The following SLIT2 variants were observed in gnomAD, a reference collection of about 807,000 sequenced individuals.
The protein encoded by SLIT2 is slit guidance ligand 2.
In SLIT2, 41 loss-of-function variants were observed where a neutral mutation model predicts 185.7. The ratio of observed to expected loss-of-function variants is 0.22; its 90% CI spans 0.17 to 0.29. The LOEUF (loss-of-function observed/expected upper bound fraction) is 0.29. Ranked by LOEUF, SLIT2 falls within the 10% of genes least tolerant of loss-of-function variation. The pLI is 1.00. For missense variants in SLIT2, 1,571 were observed against 1,909.0 expected, an observed-to-expected ratio of 0.82 and a Z score of 3.30; for synonymous variants, 693 against 680.2, an observed-to-expected ratio of 1.02 and a Z score of -0.29.
chr4:20,510,399 C>A, intron 9 of SLIT2, 96 bp from the exon 10 acceptor site: 2 of 807,874 alleles, frequency 2.5e-6, no homozygotes, highest in Non-Finnish European at 4.3e-6. Context: ...TCATGAAGAA[C>A]ATCAACTTTA....
intron 4 of SLIT2, among the ~76,000 whole-genome samples, chr4:20,447,394 C>G (rs1711932178): frequency 6.6e-6 from 1 of 152,130 alleles, no homozygotes; most frequent in Non-Finnish European, 1.5e-5. Flanking sequence ...CTGCAGTGAT[C>G]AGTTGTGAGG....
At chr4:20,574,015 C>T (rs528529800) in intron 29 of SLIT2, among the ~76,000 whole-genome samples, 6 of 151,336 alleles carry the variant, frequency 4.0e-5, no homozygotes, top group African/African-American at 1.5e-4. Context: ...AGTGCAGTGG[C>T]GCAATCTCGG....
chr4:20,527,210 C>T (rs1304806302), intron 15 of SLIT2, among the ~76,000 whole-genome samples: 3 of 152,054 alleles, frequency 2.0e-5, no homozygotes, highest in Admixed American at 6.6e-5. Context: ...TTCACTTTTA[C>T]GTGTGTACCT....
chr4:20,559,434 C>T (rs887288374), intron 26 of SLIT2, among the ~76,000 whole-genome samples: 1 of 151,742 alleles, frequency 6.6e-6, no homozygotes, highest in Non-Finnish European at 1.5e-5. Context: ...CTTACAGTGC[C>T]CTTTGCCAGC....
chr4:20,342,511 A>G (rs986584937), intron 4 of SLIT2, among the ~76,000 whole-genome samples: 3 of 152,072 alleles, frequency 2.0e-5, no homozygotes, highest in Non-Finnish European at 4.4e-5. Context: ...GACTCACGCT[A>G]TTTCTAAATC....
chr4:20,458,375 C>A (rs1713324756), intron 4 of SLIT2, among the ~76,000 whole-genome samples: 1 of 152,032 alleles, frequency 6.6e-6, no homozygotes, highest in African/African-American at 2.4e-5. Context: ...TGTTTGTAAA[C>A]CAAACAAAAG....
rs939705283 is a variant in SLIT2 at position 20,458,264 on chromosome 4, C to T, written c.396-9488C>T. ...TTCTTATCCAGCTCTCTCCTTTGTC[C>T]AGAGAGTGTATACACTCTTCTTGCC... On this transcript the variant is annotated intron_variant, in intron 4 of 36. Transcript: ENST00000504154. Among the ~76,000 whole-genome samples the T allele has an allele frequency of 3.3e-5, 5 of 152,058 alleles. No individual in the cohort carries two copies. In the South Asian group the frequency reaches 1.0e-3, roughly 31 times the overall value.
chr4:20,594,215 A>G (rs1032301128), intron 30 of SLIT2, among the ~76,000 whole-genome samples: 1 of 150,156 alleles, frequency 6.7e-6, no homozygotes, highest in African/African-American at 2.4e-5. Context: ...ATGTGTGTAT[A>G]TATGTATATG....
intron 4 of SLIT2, among the ~76,000 whole-genome samples, chr4:20,363,250 C>A (rs564372885): frequency 5.9e-5 from 9 of 152,006 alleles, no homozygotes; most frequent in African/African-American, 2.2e-4. Context: ...GTGTGTGATA[C>A]ATAACATGTA....
intron 4 of SLIT2, among the ~76,000 whole-genome samples, chr4:20,443,488 C>T (rs1006210176): frequency 1.8e-4 from 26 of 147,104 alleles, no homozygotes; most frequent in Admixed American, 1.7e-3. Context: ...TAGCTCAGGG[C>T]ACTTGGGTTT....
At chr4:20,584,547 CT>C (rs1332530999) in intron 29 of SLIT2, among the ~76,000 whole-genome samples, 1 of 152,226 alleles carries the variant, frequency 6.6e-6, no homozygotes, top group African/African-American at 2.4e-5. Flanking sequence ...CACATTACCA[CT>C]CCATGAAATT....
At chr4:20,309,303 A>C (rs1482325907) in intron 4 of SLIT2, among the ~76,000 whole-genome samples, 6 of 152,126 alleles carry the variant, frequency 3.9e-5, no homozygotes, top group Non-Finnish European at 8.8e-5. Flanking sequence ...CATTCTTTGC[A>C]CTAAAATCCT....
chr4:20,449,250 A>G (rs192313099), intron 4 of SLIT2, among the ~76,000 whole-genome samples: 12 of 152,200 alleles, frequency 7.9e-5, no homozygotes, highest in Non-Finnish European at 8.8e-5. Context: ...TCATTTTTCT[A>G]TTTATGCTTA....
At chr4:20,568,287 A>T (rs894732324) in intron 28 of SLIT2, among the ~76,000 whole-genome samples, 2 of 152,102 alleles carry the variant, frequency 1.3e-5, no homozygotes, top group African/African-American at 4.8e-5. Flanking sequence ...ATTCATCTAG[A>T]CTTTACTCAA....
intron 33 of SLIT2, among the ~76,000 whole-genome samples, chr4:20,603,161 G>C (rs1728534343): frequency 6.6e-6 from 1 of 152,188 alleles, no homozygotes; most frequent in African/African-American, 2.4e-5. Context: ...GAAGGCGAAA[G>C]GAATGTCTTA....
At chr4:20,613,461 C>T (rs1437768979) in intron 34 of SLIT2, among the ~76,000 whole-genome samples, 1 of 152,076 alleles carries the variant, frequency 6.6e-6, no homozygotes, top group African/African-American at 2.4e-5. Context: ...ATGATGAGAA[C>T]ACATGGACAC....
At chr4:20,499,646 A>G (rs552657908) in intron 9 of SLIT2, among the ~76,000 whole-genome samples, 4 of 151,884 alleles carry the variant, frequency 2.6e-5, no homozygotes, top group Non-Finnish European at 5.9e-5. Flanking sequence ...CCCCCAGCAT[A>G]CCCAGCTAGT....
chr4:20,336,209 A>G (rs1720483735), intron 4 of SLIT2, among the ~76,000 whole-genome samples: 1 of 152,164 alleles, frequency 6.6e-6, no homozygotes, highest in Non-Finnish European at 1.5e-5. Context: ...CCAAATTTCC[A>G]TTTTAATGAG....
intron 29 of SLIT2, among the ~76,000 whole-genome samples, chr4:20,587,200 G>A (rs183700129): frequency 3.1e-4 from 47 of 152,046 alleles, no homozygotes; most frequent in Admixed American, 1.0e-3. Context: ...TGTATTTTTA[G>A]TAGAGACAGG....
Sources: gnomAD v4.1 joint callset for allele counts (sites outside exome capture counted in the v4.1 genomes callset) on GRCh38, gnomAD v4.1.1 for gene constraint, MANE v1.5 for transcripts, NCBI Gene and HGNC (gene_info 2026-07-23, HGNC 2026-07-21) for gene names.